Variants in FHAD1 observed in about 807,000 individuals in gnomAD.
FHAD1 encodes forkhead-associated domain-containing protein 1.
Under a neutral mutation model 191.3 loss-of-function variants are expected in FHAD1, and 146 were observed. The ratio of observed to expected loss-of-function variants is 0.76; its 90% CI spans 0.67 to 0.88. The LOEUF (loss-of-function observed/expected upper bound fraction) is 0.88, where lower values mean the gene tolerates loss of function less well. Among genes scored for constraint, FHAD1 ranks in the 40% least tolerant of loss-of-function variants. FHAD1 has a pLI of 0.00. For missense variants in FHAD1, 1,635 were observed against 1,785.8 expected (o/e 0.92, Z 1.52); for synonymous variants, 616 against 672.3 (o/e 0.92, Z 1.29).
intron 31 of FHAD1, chr1:15,383,823 T>A: frequency 2.3e-6 from 1 of 427,504 alleles, no homozygotes; most frequent in Admixed American, 2.5e-5. Context: ...AAACTGCGCC[T>A]CAGAGAGTTA....
At chr1:15,269,585 A>G (rs1655010218) in intron 2 of FHAD1, among the ~76,000 whole-genome samples, 1 of 152,192 alleles carries the variant, frequency 6.6e-6, no homozygotes, top group Non-Finnish European at 1.5e-5. Flanking sequence ...AGAATGTGGT[A>G]TAGCTTAGTG....
chr1:15,275,753 T>C (rs1391593503), intron 3 of FHAD1, among the ~76,000 whole-genome samples: 1 of 151,788 alleles, frequency 6.6e-6, no homozygotes, highest in African/African-American at 2.4e-5. Context: ...TTCTAAGAAA[T>C]GTGTAGCTGT....
In FHAD1 at chr1:15,301,239, G is replaced by T; in HGVS notation, c.713G>T (p.Ser238Ile). 6.4e-7 allele frequency: 1 copy of T among 1,551,734 alleles called. No individual in the cohort carries two copies. The highest frequency in any genetic ancestry group is 1.7e-4 in the Middle Eastern group (1 of 5,992). Reference protein sequence around the residue: ...EIILLLGKEVSRLSDYEIESK... With the variant: ...EIILLLGKEVIRLSDYEIESK... ...ATTCTGCTGCTGGGAAAAGAGGTCAGCCGTCTCTCAGATTATGAAATTGAA... is the reference window on the plus strand; with the variant it reads ...ATTCTGCTGCTGGGAAAAGAGGTCATCCGTCTCTCAGATTATGAAATTGAA... The change falls in exon 6 of 34, where the codon AGC becomes ATC. Residue 238 changes from serine (S) to isoleucine (I), a missense_variant. By Grantham distance (142) the Ser-to-Ile change is moderately radical. Transcript: ENST00000688493.
intron 3 of FHAD1, among the ~76,000 whole-genome samples, chr1:15,278,170 T>TTGC (rs1553238506): frequency 6.6e-6 from 1 of 151,714 alleles, no homozygotes; most frequent in Non-Finnish European, 1.5e-5. Flanking sequence ...CCCACCAGTG[T>TTGC]TTTTCTGCTC....
intron 3 of FHAD1, among the ~76,000 whole-genome samples, chr1:15,285,536 T>G (rs1662136719): frequency 6.6e-6 from 1 of 151,924 alleles, no homozygotes; most frequent in South Asian, 2.1e-4. Flanking sequence ...TCCATCTCCA[T>G]AAATAAATAA....
At chr1:15,283,200 C>T (rs1294522742) in intron 3 of FHAD1, among the ~76,000 whole-genome samples, 1 of 152,178 alleles carries the variant, frequency 6.6e-6, no homozygotes, top group East Asian at 1.9e-4. Context: ...TGGGTGTTGC[C>T]ATGGCAATGC....
In FHAD1 at chr1:15,308,594, G is replaced by C; in HGVS notation, c.916-19G>C. 1 of 1,551,524 alleles carries C rather than the reference G, an allele frequency of 6.4e-7. No individual in the cohort carries two copies. Among genetic ancestry groups the C allele is most frequent in the Non-Finnish European group, 8.7e-7 (1 of 1,146,866 alleles). On this transcript the variant is annotated intron_variant, in intron 6 of 33. Transcript: ENST00000688493. ...GACGTGGGCCAGCCCCCCTCTGACT[G>C]TGCCACCTCCTCCCACAGATCAGTG...
rs1668702020 is a variant in FHAD1, at chr1:15,301,345, C to T, written c.819C>T (p.Thr273=). The change falls in exon 6 of 34, where the codon ACC becomes ACT. Residue 273 remains threonine, a synonymous_variant. Transcript: ENST00000688493. ...GTCAGAAGGTGTCAGAGACCACCAC[C>T]TCCAGGCAGAATGAGAAGGAGATCT... ...ELSQKVSETT[T]SRQNEKEISQ... The T allele has an allele frequency of 6.4e-7, 1 of 1,551,638 alleles. No homozygotes were observed. The highest frequency in any genetic ancestry group is 1.4e-5 in the African/African-American group (1 of 73,050).
At chr1:15,364,356 T>G (rs560867639) in intron 23 of FHAD1, 2 of 152,470 alleles carry the variant, frequency 1.3e-5, no homozygotes, top group Non-Finnish European at 2.9e-5. Context: ...ACACCTGTAA[T>G]CCCAGCACTT....
At chr1:15,324,740 A>G (rs1677640886) in intron 11 of FHAD1, 181 bp downstream of exon 11, 2 of 599,000 alleles carry the variant, frequency 3.3e-6, no homozygotes, top group Non-Finnish European at 6.0e-6. Context: ...ATCGCTTAAC[A>G]GGTTTCTGCT....
chr1:15,352,662 C>T (rs1244734503), intron 19 of FHAD1, among the ~76,000 whole-genome samples: 1 of 152,168 alleles, frequency 6.6e-6, no homozygotes, highest in Non-Finnish European at 1.5e-5. Context: ...CTCACTCTCT[C>T]CTTTACACAC....
At chr1:15,346,091 A>C (rs1382921175) in intron 18 of FHAD1, among the ~76,000 whole-genome samples, 1 of 152,044 alleles carries the variant, frequency 6.6e-6, no homozygotes, top group Non-Finnish European at 1.5e-5. Flanking sequence ...ATGATGACTC[A>C]GATGTGTGAA....
At chr1:15,309,282 G>GATTCATTCATTC (rs537939587) in intron 7 of FHAD1, among the ~76,000 whole-genome samples, 70 of 152,278 alleles carry the variant, frequency 4.6e-4, no homozygotes, top group African/African-American at 1.6e-3. Context: ...TCTTAGCCTG[G>GATTCATTCATTC]ATTCATTCAT....
rs1481477749 is a variant in FHAD1, at chr1:15,339,512, AC to A, written c.1939del (p.His647IlefsTer6). On this transcript the variant is annotated frameshift_variant, in exon 15 of 34. Coordinates refer to ENST00000688493, the MANE Select transcript of FHAD1 (RefSeq NM_001391957.1). LOFTEE classifies it high-confidence loss of function. The part of the protein sequence containing the change: ...FSLYLIYLLE[H>X]YKKLMSQAQE... ...CTTTGTATCTGATATATCTTCTGGA[AC>A]ATTATAAAAAACTTATGAGCCAGGC... The A allele has an allele frequency of 7.8e-7, 1 of 1,286,366 alleles. No homozygotes were observed. Among genetic ancestry groups the A allele is most frequent in the South Asian group, 1.3e-5 (1 of 78,610 alleles). 79.7% of individuals were successfully genotyped at this position (1,286,366 alleles called of 1,614,324 possible).
At chr1:15,269,312 C>T (rs909257424) in intron 2 of FHAD1, among the ~76,000 whole-genome samples, 8 of 152,160 alleles carry the variant, frequency 5.3e-5, no homozygotes, top group African/African-American at 1.9e-4. Context: ...CTATAAATTT[C>T]CCTGTAAGCA....
intron 25 of FHAD1, 76 bp downstream of exon 25, chr1:15,367,698 C>G: frequency 1.7e-6 from 2 of 1,209,410 alleles, no homozygotes; most frequent in Middle Eastern, 2.8e-4. Flanking sequence ...AGAGAGAGGG[C>G]TCAGTACATG....
chr1:15,348,788 A>G (rs548703969), intron 18 of FHAD1, among the ~76,000 whole-genome samples: 1 of 152,110 alleles, frequency 6.6e-6, no homozygotes, highest in South Asian at 2.1e-4. Context: ...ACCACTGACA[A>G]AGGGTGTGGC....
chr1:15,320,857 G>A (rs1676011057), intron 10 of FHAD1, among the ~76,000 whole-genome samples: 1 of 152,078 alleles, frequency 6.6e-6, no homozygotes, highest in Non-Finnish European at 1.5e-5. Flanking sequence ...TTATCTACTT[G>A]CTCAGGGCCA....
intron 3 of FHAD1, among the ~76,000 whole-genome samples, chr1:15,277,144 C>T (rs562000949): frequency 1.1e-4 from 17 of 152,180 alleles, no homozygotes; most frequent in East Asian, 7.7e-4. Context: ...AGGAAACCTA[C>T]GTTGGCCTGT....
Sources: gnomAD v4.1 joint callset for allele counts (sites outside exome capture counted in the v4.1 genomes callset) on GRCh38, gnomAD v4.1.1 for gene constraint, MANE v1.5 for transcripts, NCBI Gene and HGNC (gene_info 2026-07-23, HGNC 2026-07-21) for gene names.